The following ADGRG3 variants were observed in gnomAD, a reference collection of about 807,000 sequenced individuals.
ADGRG3 encodes the protein G protein-coupled receptor 97.
Under a neutral mutation model 54.3 loss-of-function variants are expected in ADGRG3, and 39 were observed. The observed-to-expected ratio is 0.72, with a 90% CI of 0.56 to 0.94. The LOEUF (loss-of-function observed/expected upper bound fraction) is 0.94. Ranked by LOEUF, ADGRG3 falls within the 40% of genes least tolerant of loss-of-function variation. The pLI is 0.00. For synonymous variants in ADGRG3, 312 were observed against 290.0 expected, an observed-to-expected ratio of 1.08 and a Z score of -0.77; for missense variants, 654 against 694.6, an observed-to-expected ratio of 0.94 and a Z score of 0.66.
upstream of ADGRG3, chr16:57,668,260 C>G (rs2048086817): frequency 9.4e-7 from 1 of 1,066,660 alleles, no homozygotes; most frequent in Admixed American, 2.2e-5. Flanking sequence ...GGTGGGGCTG[C>G]AGGGTGGGGG....
intron 4 of ADGRG3, 87 bp from the exon 5 acceptor site, chr16:57,679,090 G>A (rs1170861142): frequency 5.3e-6 from 8 of 1,515,600 alleles, no homozygotes; most frequent in Admixed American, 1.8e-5. Context: ...AAGGCCATGG[G>A]TTCCTGGAGG....
rs761355007 is a variant in ADGRG3, at chr16:57,684,102, G to A, written c.1052G>A (p.Cys351Tyr). The A allele has an allele frequency of 5.6e-6, 9 of 1,613,960 alleles. No individual in the cohort carries two copies. In the East Asian group the frequency reaches 1.6e-4, roughly 28 times the overall value. ...RGAVFHYFLLCAFTWMGLEAF... is the reference protein window; with the variant it reads ...RGAVFHYFLLYAFTWMGLEAF... ...GCTGTCTTCCACTACTTCCTGCTCT[G>A]TGCCTTCACCTGGATGGGCCTTGAA... The change falls in exon 9 of 12, where the codon TGT becomes TAT. Residue 351 changes from cysteine to tyrosine, a missense_variant. Physicochemically the swap from Cys to Tyr is radical, Grantham distance 194. Coordinates refer to ENST00000333493, the MANE Select transcript of ADGRG3 (RefSeq NM_170776.5).
intron 2 of ADGRG3, among the ~76,000 whole-genome samples, chr16:57,674,965 C>T (rs918494017): frequency 3.5e-5 from 5 of 141,392 alleles, no homozygotes; most frequent in South Asian, 2.3e-4. Flanking sequence ...CACTGCACTC[C>T]AGCCTGGGCG....
rs544341320 is a variant in ADGRG3, at chr16:57,679,141, T to G, written c.493-36T>G. The G allele has an allele frequency of 8.1e-6, 13 of 1,611,608 alleles. No individual in the cohort carries two copies. The East Asian group carries it at 2.7e-4, about 33-fold the overall frequency. On this transcript the variant is annotated intron_variant, in intron 4 of 11. Transcript: ENST00000333493. The stretch of plus-strand genomic sequence containing the variant: ...GCGTTGGTGGGTTGGGATGGCCCCT[T>G]CTGCAGCCTGGCCTCCCCGATCTCC...
Position 57,679,807 on chromosome 16 carries a change from C to A in ADGRG3, c.628-9C>A. On this transcript the variant is annotated splice_polypyrimidine_tract_variant and intron_variant, in intron 5 of 11. Coordinates refer to ENST00000333493, the MANE Select transcript of ADGRG3 (RefSeq NM_170776.5). ...TTCCTCTCTCCTGACTTCCACTCTT[C>A]GGTTTCAGAACATGACCCTCACCTG... 1 of 1,611,884 alleles carries A rather than the reference C, an allele frequency of 6.2e-7. No homozygotes were observed. Among genetic ancestry groups the A allele is most frequent in the South Asian group, 1.1e-5 (1 of 91,038 alleles).
At position 57,689,327 on chromosome 16, in the gene ADGRG3, A is replaced by G. The variant is rs1141417; in HGVS notation, c.*866A>G. 0.21 allele frequency: 33,506 copies of G among 159,134 alleles called. 4,292 individuals are homozygous for G. The highest frequency in any genetic ancestry group is 0.34 in the African/African-American group (14,094 of 41,496). 9.9% of individuals were successfully genotyped at this position (159,134 alleles called of 1,614,324 possible). A position where few individuals can be genotyped will look rare whatever the true frequency, so the allele number is the denominator to read the frequency against. On this transcript the variant is annotated 3_prime_UTR_variant, in exon 12 of 12. Transcript: ENST00000333493. ...CTCGCTTACTGTTCCAGCCCAGGCC[A>G]AGCACAGGGTCTGGCTCGTGGCAAA... is the stretch of plus-strand genomic sequence containing the variant.
At position 57,689,200 on chromosome 16, in the gene ADGRG3, C is replaced by A. The variant is rs373512314; in HGVS notation, c.*739C>A. ...AAAGCAAACAATCTGGGGCTCAGCA[C>A]ACCTGGGGGTGCTCCCACTCATTCA... On this transcript the variant is annotated 3_prime_UTR_variant, in exon 12 of 12. Coordinates refer to ENST00000333493, the MANE Select transcript of ADGRG3 (RefSeq NM_170776.5). 7 of 153,778 alleles carry A rather than the reference C, an allele frequency of 4.6e-5. No homozygotes were observed. The East Asian group carries it at 9.6e-4, about 21-fold the overall frequency. 9.5% of individuals were successfully genotyped at this position (153,778 alleles called of 1,614,324 possible).
intron 8 of ADGRG3, among the ~76,000 whole-genome samples, chr16:57,683,089 G>C (rs2048405019): frequency 6.6e-6 from 1 of 152,228 alleles, no homozygotes; most frequent in African/African-American, 2.4e-5. Flanking sequence ...CAGAAGAAGA[G>C]GAGTCAGGCA....
chr16:57,680,642 A>G (rs749380007), intron 8 of ADGRG3, 25 bp downstream of exon 8: 1 of 1,489,034 alleles, frequency 6.7e-7, no homozygotes, highest in East Asian at 2.3e-5. Context: ...CCTCCCCACC[A>G]TGTCTCCCTC....
intron 1 of ADGRG3, among the ~76,000 whole-genome samples, chr16:57,668,669 C>G (rs1043805689): frequency 1.3e-5 from 2 of 152,044 alleles, no homozygotes; most frequent in Non-Finnish European, 2.9e-5. Flanking sequence ...TAGGGGAGGT[C>G]GGAGGGTGCT....
At chr16:57,667,198 G>A (rs534682936), upstream of ADGRG3, among the ~76,000 whole-genome samples, 18 of 152,356 alleles carry the variant, frequency 1.2e-4, no homozygotes, top group African/African-American at 4.3e-4. Context: ...TGAGTGGGAG[G>A]AGGAGGAAAT....
At chr16:57,667,700 C>T (rs2048082273), upstream of ADGRG3, among the ~76,000 whole-genome samples, 1 of 152,196 alleles carries the variant, frequency 6.6e-6, no homozygotes, top group Non-Finnish European at 1.5e-5. Context: ...TACCCTGCCT[C>T]TGGGTCCGTC....
At chr16:57,679,440 C>T (rs757743629) in intron 5 of ADGRG3, 129 bp downstream of exon 5, 230 of 1,017,286 alleles carry the variant, frequency 2.3e-4, no homozygotes, top group African/African-American at 6.5e-5. Context: ...CCAGGAGGAG[C>T]CATTAGGGCC....
chr16:57,678,377 G>A (rs781040226), intron 4 of ADGRG3, 61 bp downstream of exon 4: 35 of 1,551,638 alleles, frequency 2.3e-5, no homozygotes, highest in Non-Finnish European at 3.1e-5. Flanking sequence ...CCATGCCACA[G>A]TTTGCTGTCA....
rs529191795 is a variant in ADGRG3 at position 57,671,704 on chromosome 16, G to A, written c.59-1617G>A. The stretch of plus-strand genomic sequence containing the variant: ...CCTAAGATAGGAATGTTTTCTATGA[G>A]TTCTCAACACAAGCTGAAAAGATGC... On this transcript the variant is annotated intron_variant, in intron 1 of 11. Coordinates refer to ENST00000333493, the MANE Select transcript of ADGRG3 (RefSeq NM_170776.5). 5.9e-5 allele frequency among the ~76,000 whole-genome samples: 9 copies of A among 152,242 alleles called. No homozygotes were observed. The East Asian group carries it at 1.5e-3, about 26-fold the overall frequency.
In ADGRG3 at chr16:57,681,496, A is replaced by G. The variant is rs147167705; in HGVS notation, c.881+879A>G. On this transcript the variant is annotated intron_variant, in intron 8 of 11. Transcript: ENST00000333493. ...AGCACTTTGGGAGGCCGAGGCAGGTAGATCACCTGAGGTCAGGAGTTCGAG... is the reference window on the plus strand; with the variant it reads ...AGCACTTTGGGAGGCCGAGGCAGGTGGATCACCTGAGGTCAGGAGTTCGAG... Among the ~76,000 whole-genome samples the G allele has an allele frequency of 5.0e-3, 766 of 152,208 alleles. 5 individuals carry two copies. The highest frequency in any genetic ancestry group is 0.014 in the Middle Eastern group (4 of 294).
At chr16:57,667,942 G>A (rs2048084251), upstream of ADGRG3, among the ~76,000 whole-genome samples, 1 of 152,224 alleles carries the variant, frequency 6.6e-6, no homozygotes, top group Non-Finnish European at 1.5e-5. Flanking sequence ...GCTCAGAGAG[G>A]CTCCCAGCTT....
intron 11 of ADGRG3, 120 bp from the exon 12 acceptor site, chr16:57,688,232 T>G: frequency 1.4e-6 from 1 of 699,364 alleles, no homozygotes; most frequent in Non-Finnish European, 2.6e-6. Flanking sequence ...ATTTTTGCCT[T>G]TCCCAGCAGT....
At chr16:57,682,345 A>T (rs1288252158) in intron 8 of ADGRG3, 2 of 317,782 alleles carry the variant, frequency 6.3e-6, no homozygotes, top group Non-Finnish European at 9.1e-6. Context: ...CTGCCCCCGC[A>T]TCCAGGGCCG....
Sources: allele counts gnomAD v4.1 joint callset (sites outside exome capture counted in the v4.1 genomes callset), GRCh38; gene constraint gnomAD v4.1.1; transcripts MANE v1.5; gene names NCBI Gene and HGNC (gene_info 2026-07-23, HGNC 2026-07-21).